The following EPM2A variants were observed in gnomAD, a reference collection of about 807,000 sequenced individuals.
EPM2A encodes laforin.
Under a neutral mutation model 26.5 loss-of-function variants are expected in EPM2A, and 21 were observed. The observed-to-expected ratio is 0.79, with a 90% CI of 0.56 to 1.14. EPM2A has a LOEUF of 1.14. EPM2A is among the 50% of genes most tolerant of loss of function. The pLI, the probability that EPM2A is intolerant of heterozygous loss-of-function variation, is 0.00. For missense variants in EPM2A, 458 were observed against 440.8 expected (o/e 1.04, Z -0.35); for synonymous variants, 217 against 177.6 (o/e 1.22, Z -1.76).
chr6:145,412,447 G>C (rs1178113092), intron 4 of EPM2A, among the ~76,000 whole-genome samples: 1 of 152,180 alleles, frequency 6.6e-6, no homozygotes, highest in African/African-American at 2.4e-5. Context: ...TGAATTAAGT[G>C]TAAGTACTCC....
intron 2 of EPM2A, among the ~76,000 whole-genome samples, chr6:145,595,532 C>A (rs2128548814): frequency 6.6e-6 from 1 of 151,726 alleles, no homozygotes; most frequent in Admixed American, 6.6e-5. Flanking sequence ...AACATCTTTA[C>A]ACACTCTTTT....
At chr6:145,577,806 A>T (rs187372833) in intron 2 of EPM2A, among the ~76,000 whole-genome samples, 1 of 152,102 alleles carries the variant, frequency 6.6e-6, no homozygotes, top group African/African-American at 2.4e-5. Context: ...AAAGCATAAA[A>T]CAAGTCTCAA....
chr6:145,460,819 A>C (rs749369914), intron 4 of EPM2A, among the ~76,000 whole-genome samples: 2 of 152,194 alleles, frequency 1.3e-5, no homozygotes, highest in Non-Finnish European at 2.9e-5. Context: ...TCTCCTTAAC[A>C]AATCCCCAAT....
intron 1 of EPM2A, among the ~76,000 whole-genome samples, chr6:145,699,119 T>C (rs1284767882): frequency 6.6e-6 from 1 of 152,162 alleles, no homozygotes; most frequent in Non-Finnish European, 1.5e-5. Flanking sequence ...TCAAGTATGA[T>C]TGAGAGCTTG....
chr6:145,456,502 T>C (rs551348399), intron 4 of EPM2A, among the ~76,000 whole-genome samples: 2 of 152,278 alleles, frequency 1.3e-5, no homozygotes, highest in South Asian at 4.1e-4. Flanking sequence ...TCCAAATGAA[T>C]AGAGTTTTCC....
At chr6:145,478,605 A>G (rs981516914) in intron 4 of EPM2A, among the ~76,000 whole-genome samples, 2 of 151,660 alleles carry the variant, frequency 1.3e-5, no homozygotes, top group African/African-American at 4.8e-5. Context: ...ACAGAATTCT[A>G]ACTTCTTAAG....
chr6:145,439,178 T>C (rs2114698970), intron 4 of EPM2A, among the ~76,000 whole-genome samples: 1 of 152,328 alleles, frequency 6.6e-6, no homozygotes, highest in South Asian at 2.1e-4. Context: ...TTCCATGGTG[T>C]ATATATACTA....
At chr6:145,641,655 T>C (rs1167714125) in intron 2 of EPM2A, among the ~76,000 whole-genome samples, 14 of 152,298 alleles carry the variant, frequency 9.2e-5, no homozygotes, top group East Asian at 1.9e-4. Context: ...TTTTTCACCA[T>C]TCATCCTGAT....
chr6:145,632,468 G>A (rs920041858), intron 3 of EPM2A: 5 of 152,196 alleles, frequency 3.3e-5, no homozygotes, highest in Non-Finnish European at 5.9e-5. Context: ...TTGTTCAGGT[G>A]AGTGTTAGAT....
chr6:145,555,219 C>A (rs1483235247), intron 2 of EPM2A, among the ~76,000 whole-genome samples: 1 of 152,062 alleles, frequency 6.6e-6, no homozygotes, highest in East Asian at 1.9e-4. Context: ...TAGCAATCAT[C>A]ATGTTAGCAT....
In EPM2A at chr6:145,466,865, T is replaced by C. The variant is rs1357133336; in HGVS notation, c.555+35657A>G. Among the ~76,000 whole-genome samples, 13 of 152,154 alleles carry C rather than the reference T, an allele frequency of 8.5e-5. No individual in the cohort carries two copies. In the East Asian group the frequency reaches 1.4e-3, roughly 16 times the overall value. On this transcript the variant is annotated intron_variant, in intron 4 of 4. Transcript: ENST00000638717. ...GTAGGGACATGGATGAAATTGGAAA[T>C]CATCATTCTCAGTAAACTATCGCAA...
At chr6:145,466,312 C>T (rs1045678716) in intron 4 of EPM2A, among the ~76,000 whole-genome samples, 24 of 151,808 alleles carry the variant, frequency 1.6e-4, no homozygotes, top group South Asian at 8.3e-4. Flanking sequence ...AACAAACAAC[C>T]CCATCAAAAA....
At chr6:145,505,117 G>T (rs1779952260) in intron 2 of EPM2A, among the ~76,000 whole-genome samples, 1 of 114,486 alleles carries the variant, frequency 8.7e-6, no homozygotes, top group African/African-American at 3.3e-5. Context: ...AGGGGGGAGG[G>T]ATAGCACTGG....
chr6:145,421,224 A>G (rs1447098792), intron 4 of EPM2A, among the ~76,000 whole-genome samples: 5 of 152,176 alleles, frequency 3.3e-5, no homozygotes, highest in Non-Finnish European at 7.4e-5. Flanking sequence ...TATGCTGTAA[A>G]TAGACAGTGA....
intron 4 of EPM2A, among the ~76,000 whole-genome samples, chr6:145,426,153 C>T (rs1311996250): frequency 6.6e-6 from 1 of 152,188 alleles, no homozygotes; most frequent in South Asian, 2.1e-4. Flanking sequence ...TCTTCACTCT[C>T]AGAAAAGAAC....
intron 1 of EPM2A, chr6:145,705,629 G>A (rs931188868): frequency 6.7e-6 from 3 of 450,668 alleles, no homozygotes; most frequent in Non-Finnish European, 1.3e-5. Flanking sequence ...ATTGGCTAGG[G>A]GCTCTTGTTC....
chr6:145,621,614 C>CTT (rs775151848), downstream of EPM2A, among the ~76,000 whole-genome samples: 31 of 142,390 alleles, frequency 2.2e-4, no homozygotes, highest in African/African-American at 5.4e-4. Context: ...CTATCTCTTG[C>CTT]TTTTTTTTTT....
In EPM2A at chr6:145,496,441, G is replaced by A. The variant is rs141120889; in HGVS notation, c.555+6081C>T. On this transcript the variant is annotated intron_variant, in intron 4 of 4. Transcript: ENST00000638717. The stretch of plus-strand genomic sequence containing the variant: ...TAAGTTTTCCAAATTGGTTCCATTC[G>A]CTCCATCTCTTTCAGGTACACCAAT... 7.4e-4 allele frequency among the ~76,000 whole-genome samples: 113 copies of A among 152,124 alleles called. 1 individual carries two copies. In the East Asian group the frequency reaches 0.017, roughly 22 times the overall value.
At chr6:145,575,900 G>C (rs1163626007) in intron 2 of EPM2A, among the ~76,000 whole-genome samples, 1 of 152,140 alleles carries the variant, frequency 6.6e-6, no homozygotes, top group South Asian at 2.1e-4. Context: ...ATCTATAGTA[G>C]TCAGTGTCCT....
Sources: allele counts gnomAD v4.1 joint callset (sites outside exome capture counted in the v4.1 genomes callset), GRCh38; gene constraint gnomAD v4.1.1; transcripts MANE v1.5; gene names NCBI Gene and HGNC (gene_info 2026-07-23, HGNC 2026-07-21).